Variants in ANKRD42 observed in about 807,000 individuals in gnomAD.
The protein encoded by ANKRD42 is ankyrin repeat domain-containing protein 42.
ANKRD42 carries 43 observed loss-of-function variants against 51.5 expected under a neutral mutation model. That is an observed-to-expected ratio of 0.83 (90% CI 0.65 to 1.08). The LOEUF (loss-of-function observed/expected upper bound fraction) is 1.08. Among genes scored for constraint, ANKRD42 ranks in the 50% least tolerant of loss-of-function variants. ANKRD42 has a pLI of 0.00. For missense variants in ANKRD42, 608 were observed against 629.3 expected (o/e 0.97, Z 0.36); for synonymous variants, 203 against 213.0 (o/e 0.95, Z 0.41).
intron 7 of ANKRD42, among the ~76,000 whole-genome samples, chr11:83,228,115 G>C (rs986725013): frequency 1.3e-5 from 2 of 151,246 alleles, no homozygotes; most frequent in African/African-American, 4.9e-5. Flanking sequence ...AATTTCTATA[G>C]TGACATTGTC....
intron 6 of ANKRD42, among the ~76,000 whole-genome samples, chr11:83,225,652 C>T (rs1028530073): frequency 1.3e-5 from 2 of 151,214 alleles, no homozygotes; most frequent in African/African-American, 2.4e-5. Flanking sequence ...CGGTGGCTCA[C>T]GCCTATAATC....
At chr11:83,214,433 G>A in intron 5 of ANKRD42, 2 of 981,524 alleles carry the variant, frequency 2.0e-6, no homozygotes, top group South Asian at 9.4e-5. Flanking sequence ...ATTTTTGTTG[G>A]TCTTGTCTGG....
At chr11:83,247,909 ATGAT>A in intron 10 of ANKRD42, 30 bp from the exon 11 acceptor site, 1 of 1,545,920 alleles carries the variant, frequency 6.5e-7, no homozygotes, top group Non-Finnish European at 8.8e-7. Flanking sequence ...GTTGACATTG[ATGAT>A]TGATTTTTAA....
At position 83,240,924 on chromosome 11, in the gene ANKRD42, A is replaced by G; in HGVS notation, c.1185A>G (p.Thr395=). ...DDLCLSDLDK[T]DARMRAYKKI... is the part of the protein sequence containing the mutation. ...TATGTCTGAGTGACTTGGATAAAACAGATGCCAGAAGTAAGTATGCTGCCT... is the reference window on the plus strand; with the variant it reads ...TATGTCTGAGTGACTTGGATAAAACGGATGCCAGAAGTAAGTATGCTGCCT... Residue 395 remains threonine, a synonymous_variant, in exon 9 of 11, where the codon ACA becomes ACG. Coordinates refer to ENST00000533342, the MANE Select transcript of ANKRD42 (RefSeq NM_001300975.2). 1 of 1,610,730 alleles carries G rather than the reference A, an allele frequency of 6.2e-7. No homozygotes were observed. The highest frequency in any genetic ancestry group is 8.5e-7 in the Non-Finnish European group (1 of 1,178,194).
chr11:83,224,948 A>G lies in ANKRD42; in HGVS notation c.680A>G (p.Asp227Gly). 1 of 1,613,712 alleles carries G rather than the reference A, an allele frequency of 6.2e-7. No homozygotes were observed. Among genetic ancestry groups the G allele is most frequent in the Non-Finnish European group, 8.5e-7 (1 of 1,179,658 alleles). ...SATQVLKAFNDNGENVLDLAQ... is the reference protein window; with the variant it reads ...SATQVLKAFNGNGENVLDLAQ... ...ACGCAAGTTTTAAAAGCTTTCAATG[A>G]TAATGGAGAAAATGTACTGGATTTG... is the stretch of plus-strand genomic sequence containing the variant. The change falls in exon 6 of 11, where the codon GAT becomes GGT. Residue 227 changes from aspartate (D) to glycine (G), a missense_variant. Coordinates refer to ENST00000533342, the MANE Select transcript of ANKRD42 (RefSeq NM_001300975.2).
At chr11:83,210,230 TA>T in intron 3 of ANKRD42, 69 bp from the exon 4 acceptor site, 1 of 1,489,682 alleles carries the variant, frequency 6.7e-7, no homozygotes, top group South Asian at 1.2e-5. Context: ...TGCCTTTGTA[TA>T]ATCTGCATCT....
In ANKRD42 at chr11:83,203,557, C is replaced by T. The variant is rs1338191172; in HGVS notation, c.223-2501C>T. 2.6e-5 allele frequency among the ~76,000 whole-genome samples: 4 copies of T among 151,972 alleles called. No individual in the cohort carries two copies. In the East Asian group the frequency reaches 7.8e-4, roughly 30 times the overall value. The stretch of plus-strand genomic sequence containing the variant: ...TACAGGCATGTGCCACCACACCCAG[C>T]TAATTTTTGTATTTTTAGTAGAGAC... On this transcript the variant is annotated intron_variant, in intron 2 of 10. Coordinates refer to ENST00000533342, the MANE Select transcript of ANKRD42 (RefSeq NM_001300975.2).
chr11:83,253,932 A>G (rs1863717511), downstream of ANKRD42, among the ~76,000 whole-genome samples: 1 of 152,106 alleles, frequency 6.6e-6, no homozygotes, highest in African/African-American at 2.4e-5. Flanking sequence ...TCCTCTTCTA[A>G]TACATAAAAG....
chr11:83,213,008 G>A (rs1346891715), intron 5 of ANKRD42: 1 of 1,599,448 alleles, frequency 6.3e-7, no homozygotes, highest in Non-Finnish European at 8.5e-7. Context: ...CAGCATCATG[G>A]CCACCCTCAG....
chr11:83,212,939 C>T, intron 5 of ANKRD42: 1 of 1,513,368 alleles, frequency 6.6e-7, no homozygotes, highest in Non-Finnish European at 8.7e-7. Context: ...ATTGAAGTCT[C>T]AAAAAACAAA....
intron 7 of ANKRD42, among the ~76,000 whole-genome samples, chr11:83,234,523 T>G (rs549632482): frequency 3.9e-5 from 6 of 152,336 alleles, no homozygotes; most frequent in African/African-American, 1.4e-4. Flanking sequence ...CTAATCAATA[T>G]TCAATAAAAA....
intron 2 of ANKRD42, among the ~76,000 whole-genome samples, chr11:83,200,327 CT>C (rs1426977268): frequency 2.6e-5 from 4 of 151,918 alleles, no homozygotes; most frequent in African/African-American, 9.7e-5. Context: ...ACTTCTTTGG[CT>C]TTATCGCTTC....
intron 5 of ANKRD42, among the ~76,000 whole-genome samples, chr11:83,218,595 C>A (rs535104887): frequency 1.1e-4 from 17 of 152,310 alleles, no homozygotes; most frequent in African/African-American, 4.1e-4. Flanking sequence ...AGGGGGCATG[C>A]AAGTAAATGG....
intron 7 of ANKRD42, among the ~76,000 whole-genome samples, chr11:83,233,259 TATC>T (rs2135540782): frequency 6.6e-6 from 1 of 151,874 alleles, no homozygotes; most frequent in East Asian, 1.9e-4. Flanking sequence ...ATGGCTTTGA[TATC>T]ATTACTCATT....
At chr11:83,243,497 A>C (rs576864545) in intron 9 of ANKRD42, among the ~76,000 whole-genome samples, 1 of 152,180 alleles carries the variant, frequency 6.6e-6, no homozygotes, top group South Asian at 2.1e-4. Context: ...CAGACTTTCA[A>C]ATATTAATGA....
chr11:83,244,091 C>G (rs1168630950), intron 9 of ANKRD42, among the ~76,000 whole-genome samples: 1 of 147,616 alleles, frequency 6.8e-6, no homozygotes. Flanking sequence ...AAGTGGTACT[C>G]CTGCCTCAGC....
At chr11:83,204,645 A>T (rs1296201877) in intron 2 of ANKRD42, among the ~76,000 whole-genome samples, 2 of 152,208 alleles carry the variant, frequency 1.3e-5, no homozygotes, top group African/African-American at 2.4e-5. Flanking sequence ...AATTAAAAAA[A>T]AAAGAAAATG....
chr11:83,209,746 A>T, intron 3 of ANKRD42: 1 of 658,072 alleles, frequency 1.5e-6, no homozygotes, highest in East Asian at 2.7e-5. Context: ...TTTCATATTT[A>T]GAAGATGTTC....
At chr11:83,218,536 G>A (rs553264050) in intron 5 of ANKRD42, among the ~76,000 whole-genome samples, 3 of 152,176 alleles carry the variant, frequency 2.0e-5, no homozygotes, top group Non-Finnish European at 2.9e-5. Flanking sequence ...GGGATCATCC[G>A]AGAATTTCCC....
Sources: allele counts gnomAD v4.1 joint callset (sites outside exome capture counted in the v4.1 genomes callset), GRCh38; gene constraint gnomAD v4.1.1; transcripts MANE v1.5; gene names NCBI Gene and HGNC (gene_info 2026-07-23, HGNC 2026-07-21).